TDRD9: variants seen among roughly 807,000 people sequenced by gnomAD.
TDRD9 encodes the protein ATP-dependent RNA helicase TDRD9.
TDRD9 carries 124 observed loss-of-function variants against 172.6 expected under a neutral mutation model. The observed-to-expected ratio is 0.72, with a 90% CI of 0.62 to 0.83. The LOEUF (loss-of-function observed/expected upper bound fraction) is 0.83, where lower values mean the gene tolerates loss of function less well. TDRD9 is among the 40% of genes least tolerant of loss of function. TDRD9 has a pLI of 0.00. For synonymous variants in TDRD9, 619 were observed against 617.1 expected, an observed-to-expected ratio of 1.00 and a Z score of -0.05; for missense variants, 1,479 against 1,714.1, an observed-to-expected ratio of 0.86 and a Z score of 2.42.
At chr14:103,946,441 A>G (rs1379658722) in intron 1 of TDRD9, among the ~76,000 whole-genome samples, 2 of 152,234 alleles carry the variant, frequency 1.3e-5, no homozygotes, top group Non-Finnish European at 2.9e-5. Flanking sequence ...CCCACAGCTA[A>G]CATCATACTC....
intron 1 of TDRD9, chr14:103,941,518 C>T: frequency 6.5e-7 from 1 of 1,535,302 alleles, no homozygotes; most frequent in Non-Finnish European, 8.7e-7. Context: ...CAGTTGTAAT[C>T]CACACCTGTT....
At chr14:104,005,798 G>A (rs1490799722) in intron 15 of TDRD9, among the ~76,000 whole-genome samples, 1 of 152,162 alleles carries the variant, frequency 6.6e-6, no homozygotes, top group African/African-American at 2.4e-5. Context: ...TGCTTCTGGT[G>A]TTTTACCTTC....
intron 7 of TDRD9, among the ~76,000 whole-genome samples, chr14:103,976,648 A>C (rs765810547): frequency 3.9e-5 from 6 of 152,172 alleles, no homozygotes; most frequent in South Asian, 2.1e-4. Flanking sequence ...GAGTGGAGCT[A>C]TCTCTTCAGC....
rs1220662208 is a variant in TDRD9, at chr14:103,980,105, C to T, written c.1011+4552C>T. Among the ~76,000 whole-genome samples, 1 of 152,098 alleles carries T rather than the reference C, an allele frequency of 6.6e-6. No homozygotes were observed. The highest frequency in any genetic ancestry group is 1.9e-4 in the East Asian group (1 of 5,182). On this transcript the variant is annotated intron_variant, in intron 7 of 35. Coordinates refer to ENST00000409874, the MANE Select transcript of TDRD9 (RefSeq NM_153046.3). This position sits in a 1 kb window ranked among gnomAD's most constrained non-coding sequence, Gnocchi z 4.5. Reference sequence around the variant, plus strand: ...TGTTGTCCAGGCTGATCTTGAACTCCTGTCTGTAGGGACCAGCCCCACAGG... The same window carrying T: ...TGTTGTCCAGGCTGATCTTGAACTCTTGTCTGTAGGGACCAGCCCCACAGG...
chr14:104,040,148 C>T, intron 32 of TDRD9, 48 bp from the exon 33 acceptor site: 1 of 1,370,122 alleles, frequency 7.3e-7, no homozygotes, highest in Non-Finnish European at 9.5e-7. Flanking sequence ...AAAACATATA[C>T]TTTAACAATT....
At chr14:103,973,615 C>T (rs1369689972) in intron 6 of TDRD9, among the ~76,000 whole-genome samples, 1 of 152,228 alleles carries the variant, frequency 6.6e-6, no homozygotes, top group Non-Finnish European at 1.5e-5. Flanking sequence ...TGCTTGCTCC[C>T]TGCATTCCAG....
intron 8 of TDRD9, among the ~76,000 whole-genome samples, chr14:103,990,364 T>C (rs553278454): frequency 9.1e-4 from 139 of 152,338 alleles, no homozygotes; most frequent in African/African-American, 3.3e-3. Context: ...TCACACCCCT[T>C]TCTCCTTTGT....
At chr14:103,936,516 A>G (rs984199080) in intron 1 of TDRD9, among the ~76,000 whole-genome samples, 1 of 152,188 alleles carries the variant, frequency 6.6e-6, no homozygotes, top group African/African-American at 2.4e-5. Flanking sequence ...TCCTCAAGCC[A>G]TGGTGGATTT....
Position 104,014,832 on chromosome 14 carries a change from C to G in TDRD9, c.2214C>G (p.Phe738Leu). ...MDQEYIYKQR[F>L]ILQVVLAGAF... ...AAGAGTATATATATAAGCAGCGATT[C>G]ATCCTACAGGTGTGCTGAAGTTTCC... Residue 738 changes from phenylalanine to leucine, a missense_variant, in exon 21 of 36, where the codon TTC (phenylalanine) becomes TTG (leucine). Phe to Leu is a conservative substitution (Grantham distance 22). Coordinates refer to ENST00000409874, the MANE Select transcript of TDRD9 (RefSeq NM_153046.3). 6.3e-7 allele frequency: 1 copy of G among 1,592,184 alleles called. No homozygotes were observed. Among genetic ancestry groups the G allele is most frequent in the Non-Finnish European group, 8.6e-7 (1 of 1,163,648 alleles).
In TDRD9 at chr14:103,975,473, T is replaced by C. The variant is rs764483040; in HGVS notation, c.931T>C (p.Tyr311His). 101 of 1,613,772 alleles carry C rather than the reference T, an allele frequency of 6.3e-5. No homozygotes were observed. Among genetic ancestry groups the C allele is most frequent in the Admixed American group, 1.0e-4 (6 of 59,994 alleles). Residue 311 changes from tyrosine to histidine, a missense_variant, in exon 7 of 36, where the codon TAT (tyrosine) becomes CAT (histidine). Coordinates refer to ENST00000409874, the MANE Select transcript of TDRD9 (RefSeq NM_153046.3). ...VPVQNKMNPAYIFEVEGKPHS... is the reference protein window; with the variant it reads ...VPVQNKMNPAHIFEVEGKPHS... ...TGTTCAAAACAAGATGAATCCTGCATATATTTTTGAAGTGGAAGGCAAGCC... is the reference window on the plus strand; with the variant it reads ...TGTTCAAAACAAGATGAATCCTGCACATATTTTTGAAGTGGAAGGCAAGCC...
chr14:104,011,906 G>A (rs992253569), intron 20 of TDRD9, among the ~76,000 whole-genome samples: 8 of 151,984 alleles, frequency 5.3e-5, no homozygotes, highest in African/African-American at 1.4e-4. Flanking sequence ...ATTAAAATCA[G>A]CAAAGGTTAA....
chr14:104,033,390 C>G (rs2035345414), intron 30 of TDRD9, among the ~76,000 whole-genome samples: 1 of 152,180 alleles, frequency 6.6e-6, no homozygotes. Flanking sequence ...CCTGCTGTAA[C>G]CCAGGGTGGG....
At chr14:104,048,411 T>C (rs2140938110) in intron 34 of TDRD9, among the ~76,000 whole-genome samples, 1 of 152,152 alleles carries the variant, frequency 6.6e-6, no homozygotes, top group Middle Eastern at 3.4e-3. Context: ...GCTCGTTTTG[T>C]TTTCTTTATT....
intron 26 of TDRD9, 116 bp downstream of exon 26, chr14:104,025,892 G>A (rs925353729): frequency 2.8e-6 from 3 of 1,053,854 alleles, no homozygotes; most frequent in African/African-American, 1.6e-5. Context: ...AGTTAGCAAA[G>A]TAGTCTGTTT....
chr14:104,033,225 C>T (rs2035339972), intron 30 of TDRD9, among the ~76,000 whole-genome samples: 1 of 152,170 alleles, frequency 6.6e-6, no homozygotes, highest in Non-Finnish European at 1.5e-5. Flanking sequence ...AATGCAGATG[C>T]CCAGGTCCCC....
intron 18 of TDRD9, 89 bp downstream of exon 18, chr14:104,006,934 C>T: frequency 8.4e-7 from 1 of 1,192,950 alleles, no homozygotes; most frequent in Admixed American, 2.0e-5. Context: ...TAGAGACAGA[C>T]AATGTTTTAT....
intron 23 of TDRD9, among the ~76,000 whole-genome samples, chr14:104,020,913 C>T (rs1204308307): frequency 6.6e-6 from 1 of 152,044 alleles, no homozygotes; most frequent in Non-Finnish European, 1.5e-5. Context: ...CTCCTCATGC[C>T]CCAGAGTGGG....
At chr14:104,032,224 T>A (rs2035305470) in intron 30 of TDRD9, 137 bp downstream of exon 30, 1 of 612,926 alleles carries the variant, frequency 1.6e-6, no homozygotes, top group Non-Finnish European at 2.7e-6. Context: ...TCTTTTTTTT[T>A]GAGACAGAGT....
intron 21 of TDRD9, among the ~76,000 whole-genome samples, chr14:104,015,301 A>T (rs556847588): frequency 1.5e-4 from 23 of 152,304 alleles, no homozygotes; most frequent in African/African-American, 5.3e-4. Flanking sequence ...GCGAGTGAGA[A>T]GTGTGTCCTG....
Sources: gnomAD v4.1 joint callset for allele counts (sites outside exome capture counted in the v4.1 genomes callset) on GRCh38, gnomAD v4.1.1 for gene constraint, Gnocchi (gnomAD v3.1) non-coding constraint, MANE v1.5 for transcripts, NCBI Gene and HGNC (gene_info 2026-07-23, HGNC 2026-07-21) for gene names.